GNAO1: variants seen among roughly 807,000 people sequenced by gnomAD.
The protein encoded by GNAO1 is guanine nucleotide-binding protein G(o) subunit alpha.
For missense variants in GNAO1, 166 were observed against 478.7 expected (o/e 0.35, Z 6.10); for synonymous variants, 164 against 180.7 (o/e 0.91, Z 0.74).
chr16:56,213,171 A>C (rs796736591), intron 2 of GNAO1: 1 of 396,556 alleles, frequency 2.5e-6, no homozygotes, highest in South Asian at 1.4e-4. Flanking sequence ...CTGTTTTCAG[A>C]TATGTGTAGC....
chr16:56,281,517 C>A (rs1302792614), intron 3 of GNAO1, among the ~76,000 whole-genome samples: 1 of 151,930 alleles, frequency 6.6e-6, no homozygotes. Context: ...CTTTCCCCTC[C>A]CCTTCTATCT....
intron 3 of GNAO1, among the ~76,000 whole-genome samples, chr16:56,308,585 G>A (rs557276525): frequency 6.6e-6 from 1 of 152,308 alleles, no homozygotes; most frequent in Admixed American, 6.5e-5. Flanking sequence ...GGAAAATCAG[G>A]CAGGATCTGG....
chr16:56,279,284 G>C (rs2037092864), intron 3 of GNAO1, among the ~76,000 whole-genome samples: 1 of 152,204 alleles, frequency 6.6e-6, no homozygotes, highest in Non-Finnish European at 1.5e-5. Context: ...AGAGGAAAGA[G>C]GACTGGCTGG....
At chr16:56,344,093 G>T in intron 6 of GNAO1, 2 of 1,465,052 alleles carry the variant, frequency 1.4e-6, no homozygotes, top group South Asian at 2.8e-5. Flanking sequence ...GGAGGAGGGA[G>T]CATCCTCCAC....
intron 2 of GNAO1, chr16:56,193,487 C>T (rs1008055726): frequency 3.1e-5 from 5 of 163,550 alleles, no homozygotes; most frequent in African/African-American, 2.4e-5. Flanking sequence ...TGTAATCTAC[C>T]CACAATGCGG....
At chr16:56,287,072 AGCCTCTCC>A (rs1262627633) in intron 3 of GNAO1, among the ~76,000 whole-genome samples, 4 of 152,332 alleles carry the variant, frequency 2.6e-5, no homozygotes, top group Non-Finnish European at 4.4e-5. Flanking sequence ...CTCCCATGGC[AGCCTCTCC>A]CCTGAGGTCC....
At chr16:56,251,205 G>T (rs1447654366) in intron 2 of GNAO1, among the ~76,000 whole-genome samples, 1 of 152,242 alleles carries the variant, frequency 6.6e-6, no homozygotes, top group Non-Finnish European at 1.5e-5. Context: ...GAGGGTTAGA[G>T]AAATTCAGTT....
chr16:56,210,790 AAG>A (rs2036379174), intron 2 of GNAO1, among the ~76,000 whole-genome samples: 2 of 152,148 alleles, frequency 1.3e-5, no homozygotes, highest in Admixed American at 1.3e-4. Flanking sequence ...GTTGAATTTT[AAG>A]AGTTCTTTCT....
intron 2 of GNAO1, among the ~76,000 whole-genome samples, chr16:56,228,605 C>T (rs1245900418): frequency 6.6e-6 from 1 of 152,216 alleles, no homozygotes; most frequent in Non-Finnish European, 1.5e-5. Flanking sequence ...CTTGCCGGCC[C>T]TGAGCCGGGA....
At chr16:56,265,871 G>C (rs77089195) in intron 2 of GNAO1, among the ~76,000 whole-genome samples, 2,643 of 152,196 alleles carry the variant, frequency 0.017, 44 homozygotes, top group South Asian at 0.053. Flanking sequence ...GGTCCCTGCT[G>C]CTCCTCTGGC....
chr16:56,342,585 G>T (rs1157595276), intron 6 of GNAO1, among the ~76,000 whole-genome samples: 1 of 152,232 alleles, frequency 6.6e-6, no homozygotes, highest in Non-Finnish European at 1.5e-5. Flanking sequence ...CAGCATGTGA[G>T]CCAGGCGGTT....
intron 3 of GNAO1, 34 bp from the exon 4 acceptor site, chr16:56,328,568 GGCTGGCAGAGGTCTTCTGTCCCCACCAAA>G: frequency 6.4e-7 from 1 of 1,551,012 alleles, no homozygotes; most frequent in Non-Finnish European, 8.8e-7. Flanking sequence ...GAGAGCCCTT[GGCTGGCAGAGGTCTTCTGTCCCCACCAAA>G]GCGTCAAAGC....
intron 3 of GNAO1, among the ~76,000 whole-genome samples, chr16:56,315,075 G>A (rs2037494949): frequency 6.6e-6 from 1 of 152,218 alleles, no homozygotes; most frequent in Non-Finnish European, 1.5e-5. Context: ...GGATGAGGAG[G>A]CAAGAGGGAT....
intron 3 of GNAO1, among the ~76,000 whole-genome samples, chr16:56,310,051 C>T (rs1054890054): frequency 3.1e-5 from 2 of 64,568 alleles, no homozygotes; most frequent in African/African-American, 6.9e-5. Context: ...GTGGCTTATA[C>T]CTATAATCCA....
At chr16:56,331,256 C>CT (rs1236019073) in intron 4 of GNAO1, among the ~76,000 whole-genome samples, 1 of 152,186 alleles carries the variant, frequency 6.6e-6, no homozygotes, top group Non-Finnish European at 1.5e-5. Context: ...ACAGGGCTGG[C>CT]TCTCCCTTCT....
intron 2 of GNAO1, among the ~76,000 whole-genome samples, chr16:56,255,249 C>T (rs1207139907): frequency 1.3e-5 from 2 of 152,190 alleles, no homozygotes; most frequent in African/African-American, 4.8e-5. Flanking sequence ...TTCCTTACTC[C>T]TCACGGTTTC....
chr16:56,264,336 C>CCTG (rs2036932134), intron 2 of GNAO1, among the ~76,000 whole-genome samples: 1 of 152,260 alleles, frequency 6.6e-6, no homozygotes, highest in Non-Finnish European at 1.5e-5. Context: ...CATTACGCTG[C>CCTG]CGCTGCCGTG....
At chr16:56,348,393 G>A (rs797006089) in intron 6 of GNAO1, among the ~76,000 whole-genome samples, 4 of 152,346 alleles carry the variant, frequency 2.6e-5, no homozygotes, top group African/African-American at 9.6e-5. Flanking sequence ...CATCTGGTGG[G>A]AAGTTGCTCC....
intron 3 of GNAO1, among the ~76,000 whole-genome samples, chr16:56,299,879 T>C (rs1159306235): frequency 6.6e-6 from 1 of 152,162 alleles, no homozygotes; most frequent in African/African-American, 2.4e-5. Flanking sequence ...AGAGGCAGCA[T>C]TGACCCAGAC....
Sources: allele counts gnomAD v4.1 joint callset (sites outside exome capture counted in the v4.1 genomes callset), GRCh38; gene constraint gnomAD v4.1.1; transcripts MANE v1.5; gene names NCBI Gene and HGNC (gene_info 2026-07-23, HGNC 2026-07-21).